The following MAP2 variants were observed in gnomAD, a reference collection of about 807,000 sequenced individuals.
The protein encoded by MAP2 is microtubule associated protein 2, also known as microtubule-associated protein 2.
In MAP2, 14 loss-of-function variants were observed where a neutral mutation model predicts 137.6. The ratio of observed to expected loss-of-function variants is 0.10; its 90% CI spans 0.07 to 0.16. The LOEUF (loss-of-function observed/expected upper bound fraction) is 0.16, where lower values mean the gene tolerates loss of function less well. Among genes scored for constraint, MAP2 ranks in the 10% least tolerant of loss-of-function variants. MAP2 has a pLI of 1.00. For synonymous variants in MAP2, 786 were observed against 782.3 expected (o/e 1.00, Z -0.08); for missense variants, 2,088 against 2,191.5 (o/e 0.95, Z 0.94).
intron 4 of MAP2, among the ~76,000 whole-genome samples, chr2:209,636,807 A>G (rs1246716486): frequency 6.6e-6 from 1 of 152,132 alleles, no homozygotes; most frequent in African/African-American, 2.4e-5. Flanking sequence ...AGAGCTGAGT[A>G]ACTGTATTAC....
intron 2 of MAP2, among the ~76,000 whole-genome samples, chr2:209,539,565 A>G (rs1368673643): frequency 6.6e-6 from 1 of 152,248 alleles, no homozygotes; most frequent in East Asian, 1.9e-4. Context: ...ACTATTCTCT[A>G]AAGAATAACT....
At chr2:209,711,891 A>G (rs745800470) in intron 13 of MAP2, among the ~76,000 whole-genome samples, 17 of 152,136 alleles carry the variant, frequency 1.1e-4, no homozygotes, top group Non-Finnish European at 2.5e-4. Context: ...ATTCTCCTCA[A>G]CTAGATATGG....
At chr2:209,690,952 G>A in intron 7 of MAP2, 2 of 1,083,086 alleles carry the variant, frequency 1.8e-6, no homozygotes, top group Non-Finnish European at 2.4e-6. Flanking sequence ...TCATCGCTGG[G>A]TCTTATGATA....
chr2:209,653,520 C>T, intron 5 of MAP2, 88 bp downstream of exon 5: 1 of 1,333,688 alleles, frequency 7.5e-7, no homozygotes, highest in South Asian at 1.6e-5. Flanking sequence ...CAGCACTGAT[C>T]CTCTTTCACT....
intron 5 of MAP2, among the ~76,000 whole-genome samples, chr2:209,655,901 A>G (rs2095109622): frequency 6.6e-6 from 1 of 152,138 alleles, no homozygotes; most frequent in African/African-American, 2.4e-5. Flanking sequence ...TCTTCCCTCT[A>G]CTTTCCGTTT....
chr2:209,623,702 C>A (rs1295917897), intron 3 of MAP2, among the ~76,000 whole-genome samples: 1 of 151,976 alleles, frequency 6.6e-6, no homozygotes, highest in African/African-American at 2.4e-5. Context: ...GCATAGAACT[C>A]TGTATTATAC....
chr2:209,702,184 A>C (rs917891198), intron 11 of MAP2, among the ~76,000 whole-genome samples: 2 of 152,018 alleles, frequency 1.3e-5, no homozygotes, highest in African/African-American at 2.4e-5. Context: ...GGAAATTTTT[A>C]AGCCCCTTGG....
chr2:209,444,899 A>T (rs899070491), intron 1 of MAP2, among the ~76,000 whole-genome samples: 8 of 151,406 alleles, frequency 5.3e-5, no homozygotes, highest in Admixed American at 4.6e-4. Context: ...GAAATGTTTG[A>T]TTGTCACATA....
intron 1 of MAP2, among the ~76,000 whole-genome samples, chr2:209,504,728 C>T (rs973235396): frequency 1.2e-4 from 18 of 152,122 alleles, no homozygotes; most frequent in East Asian, 5.8e-4. Context: ...TAAGTACATT[C>T]GCGTTGCTGT....
At chr2:209,700,193 C>T in intron 10 of MAP2, 84 bp from the exon 11 acceptor site, 1 of 1,101,236 alleles carries the variant, frequency 9.1e-7, no homozygotes, top group East Asian at 2.4e-5. Context: ...GTTGACACAA[C>T]AGAATATCCT....
intron 5 of MAP2, among the ~76,000 whole-genome samples, chr2:209,653,656 C>T (rs150442932): frequency 8.1e-4 from 124 of 152,204 alleles, no homozygotes; most frequent in African/African-American, 2.8e-3. Context: ...ATTTTTATCA[C>T]GTGAATTTTT....
Position 209,462,309 on chromosome 2 carries a change from C to T in MAP2, c.-222+38033C>T, listed in dbSNP as rs185264318. ...TCAGAAAAAATAAAGGAGGTAAAAA[C>T]AGGCTTCAGAACTGCACTCCAGTGG... is the stretch of plus-strand genomic sequence containing the variant. On this transcript the variant is annotated intron_variant, in intron 1 of 15. Transcript: ENST00000682079. Among the ~76,000 whole-genome samples, 281 of 152,260 alleles carry T rather than the reference C, an allele frequency of 1.8e-3. 1 individual carries two copies. Among genetic ancestry groups the T allele is most frequent in the Admixed American group, 3.5e-3 (53 of 15,300 alleles).
At chr2:209,602,532 G>A (rs187692207) in intron 3 of MAP2, among the ~76,000 whole-genome samples, 1 of 152,296 alleles carries the variant, frequency 6.6e-6, no homozygotes, top group African/African-American at 2.4e-5. Flanking sequence ...AACAGCTGGT[G>A]TAAATAGGAA....
At chr2:209,465,684 A>G (rs12053460) in intron 1 of MAP2, among the ~76,000 whole-genome samples, 76,891 of 151,946 alleles carry the variant, frequency 0.51, 21,039 homozygotes, top group Middle Eastern at 0.62. Flanking sequence ...TCATTTCCTT[A>G]TATTTGTTCA....
In MAP2 at chr2:209,568,674, ATGTAGCATTTGATTT is replaced by A. The variant is rs371992406; in HGVS notation, c.-171-11346_-171-11332del. Among the ~76,000 whole-genome samples the A allele has an allele frequency of 5.8e-3, 887 of 152,034 alleles. 7 individuals carry two copies. The highest frequency in any genetic ancestry group is 0.021 in the African/African-American group (863 of 41,556). On this transcript the variant is annotated intron_variant, in intron 2 of 15. Transcript: ENST00000682079. Reference sequence around the variant, plus strand: ...AGGTATTTAGATCTACTGTCATGAAATGTAGCATTTGATTTTGTAGCATTTGATTTGATTTCAGTC... The same window carrying A: ...AGGTATTTAGATCTACTGTCATGAAATGTAGCATTTGATTTGATTTCAGTC...
At chr2:209,494,882 C>T (rs2059567665) in intron 1 of MAP2, among the ~76,000 whole-genome samples, 1 of 152,084 alleles carries the variant, frequency 6.6e-6, no homozygotes, top group Non-Finnish European at 1.5e-5. Flanking sequence ...TTGTTTCTGC[C>T]TGAATTTGAA....
At chr2:209,497,755 T>C (rs556040205) in intron 1 of MAP2, among the ~76,000 whole-genome samples, 1 of 152,168 alleles carries the variant, frequency 6.6e-6, no homozygotes, top group South Asian at 2.1e-4. Context: ...CACATTCTCT[T>C]AAATGACCAG....
chr2:209,470,219 A>T (rs1322817957), intron 1 of MAP2, among the ~76,000 whole-genome samples: 1 of 152,216 alleles, frequency 6.6e-6, no homozygotes, highest in African/African-American at 2.4e-5. Flanking sequence ...TGGGCAAGGC[A>T]AATGCTATGC....
intron 3 of MAP2, among the ~76,000 whole-genome samples, chr2:209,622,277 G>A (rs2091382290): frequency 6.6e-6 from 1 of 152,190 alleles, no homozygotes; most frequent in Non-Finnish European, 1.5e-5. Context: ...TGCCATCAGT[G>A]TAATATCATT....
Sources: gnomAD v4.1 joint callset for allele counts (sites outside exome capture counted in the v4.1 genomes callset) on GRCh38, gnomAD v4.1.1 for gene constraint, MANE v1.5 for transcripts, NCBI Gene and HGNC (gene_info 2026-07-23, HGNC 2026-07-21) for gene names.